NRXN1: variants seen among roughly 807,000 people sequenced by gnomAD.
The protein encoded by NRXN1 is neurexin 1.
NRXN1 carries 39 observed loss-of-function variants against 150.9 expected under a neutral mutation model. The observed-to-expected ratio is 0.26, with a 90% CI of 0.20 to 0.34. The LOEUF (loss-of-function observed/expected upper bound fraction) is 0.34, where lower values mean the gene tolerates loss of function less well. NRXN1 is among the 10% of genes least tolerant of loss of function. The pLI is 1.00. For synonymous variants in NRXN1, 924 were observed against 757.0 expected, an observed-to-expected ratio of 1.22 and a Z score of -3.62; for missense variants, 1,815 against 1,949.9, an observed-to-expected ratio of 0.93 and a Z score of 1.30.
chr2:50,699,583 A>C (rs1359346747), intron 5 of NRXN1, among the ~76,000 whole-genome samples: 1 of 152,034 alleles, frequency 6.6e-6, no homozygotes, highest in Non-Finnish European at 1.5e-5. Context: ...GCAGCCTCCA[A>C]CCAAAATCCA....
intron 17 of NRXN1, among the ~76,000 whole-genome samples, chr2:50,429,684 G>T (rs535435873): frequency 6.6e-6 from 1 of 151,954 alleles, no homozygotes; most frequent in Non-Finnish European, 1.5e-5. Context: ...TCCTACTGAA[G>T]AACAAATTAT....
intron 18 of NRXN1, among the ~76,000 whole-genome samples, chr2:50,109,432 T>C (rs1027995720): frequency 1.3e-5 from 2 of 152,106 alleles, no homozygotes; most frequent in Admixed American, 6.6e-5. Context: ...CAGCCACAAA[T>C]TGAAAATTTA....
At chr2:50,247,480 T>C (rs559055338) in intron 17 of NRXN1, among the ~76,000 whole-genome samples, 1 of 152,152 alleles carries the variant, frequency 6.6e-6, no homozygotes, top group African/African-American at 2.4e-5. Context: ...CAAATTCAGG[T>C]TCTCCAAATA....
chr2:50,294,277 A>G (rs570050419), intron 17 of NRXN1, among the ~76,000 whole-genome samples: 1 of 152,314 alleles, frequency 6.6e-6, no homozygotes, highest in East Asian at 1.9e-4. Context: ...AGCAGTGTAC[A>G]TTGTGTCTAA....
intron 8 of NRXN1, among the ~76,000 whole-genome samples, chr2:50,560,969 C>G (rs1668984664): frequency 6.6e-6 from 1 of 151,334 alleles, no homozygotes; most frequent in African/African-American, 2.4e-5. Flanking sequence ...TTATTTAAAA[C>G]AAAAAAATAG....
intron 8 of NRXN1, among the ~76,000 whole-genome samples, chr2:50,612,245 C>T (rs1678277706): frequency 9.3e-6 from 1 of 107,834 alleles, no homozygotes; most frequent in South Asian, 4.2e-4. Flanking sequence ...TCTTTTCATG[C>T]TTAGAGTATT....
chr2:50,597,544 G>A (rs898981433), intron 8 of NRXN1, among the ~76,000 whole-genome samples: 2 of 151,966 alleles, frequency 1.3e-5, no homozygotes, highest in African/African-American at 4.8e-5. Context: ...GATGGTTCTG[G>A]TTTTCTCCCA....
At chr2:50,282,010 GC>G (rs2071525230) in intron 17 of NRXN1, among the ~76,000 whole-genome samples, 1 of 152,086 alleles carries the variant, frequency 6.6e-6, no homozygotes, top group Non-Finnish European at 1.5e-5. Flanking sequence ...TTTCCCAAAA[GC>G]AAAGCCCTAC....
chr2:50,913,158 T>C (rs527689812), intron 5 of NRXN1, among the ~76,000 whole-genome samples: 2 of 151,916 alleles, frequency 1.3e-5, no homozygotes, highest in East Asian at 3.9e-4. Context: ...AGCCATCACA[T>C]CATTCTTTTA....
intron 17 of NRXN1, among the ~76,000 whole-genome samples, chr2:50,412,360 A>G (rs1301784960): frequency 6.6e-6 from 1 of 151,604 alleles, no homozygotes; most frequent in Non-Finnish European, 1.5e-5. Flanking sequence ...TAATAAAAAT[A>G]ATCTTAAAGA....
At chr2:50,260,262 T>C (rs2068115358) in intron 17 of NRXN1, among the ~76,000 whole-genome samples, 1 of 151,840 alleles carries the variant, frequency 6.6e-6, no homozygotes, top group Non-Finnish European at 1.5e-5. Context: ...ACCCTCTACT[T>C]CTGCCTATTG....
intron 21 of NRXN1, among the ~76,000 whole-genome samples, chr2:49,993,790 A>T (rs1682441979): frequency 6.6e-6 from 1 of 152,242 alleles, no homozygotes; most frequent in Non-Finnish European, 1.5e-5. Context: ...TCATCATAGC[A>T]GATAAAAAAT....
At chr2:49,934,234 T>C (rs1670625564) in intron 22 of NRXN1, among the ~76,000 whole-genome samples, 1 of 152,184 alleles carries the variant, frequency 6.6e-6, no homozygotes, top group African/African-American at 2.4e-5. Flanking sequence ...TTAGGTTTCA[T>C]TGTTTCTTTC....
At chr2:50,567,996 G>C (rs555831329) in intron 8 of NRXN1, among the ~76,000 whole-genome samples, 1 of 151,888 alleles carries the variant, frequency 6.6e-6, no homozygotes, top group Non-Finnish European at 1.5e-5. Flanking sequence ...ATAAAATTAG[G>C]GTCCCCATTT....
At chr2:50,022,463 A>T (rs1229786304) in intron 21 of NRXN1, among the ~76,000 whole-genome samples, 9 of 152,226 alleles carry the variant, frequency 5.9e-5, no homozygotes, top group Non-Finnish European at 1.2e-4. Context: ...TAACTCTGTA[A>T]ATCAAGAATC....
intron 5 of NRXN1, among the ~76,000 whole-genome samples, chr2:50,662,512 G>A (rs1687441164): frequency 6.6e-6 from 1 of 152,014 alleles, no homozygotes; most frequent in African/African-American, 2.4e-5. Context: ...TAGGCCGCAG[G>A]AGGCCCAGGA....
intron 18 of NRXN1, among the ~76,000 whole-genome samples, chr2:50,124,727 G>T (rs1704329784): frequency 6.6e-6 from 1 of 151,902 alleles, no homozygotes; most frequent in South Asian, 2.1e-4. Flanking sequence ...AATCATTTAA[G>T]AATTTAACTT....
At chr2:50,616,940 T>C (rs1440721336) in intron 8 of NRXN1, among the ~76,000 whole-genome samples, 1 of 152,246 alleles carries the variant, frequency 6.6e-6, no homozygotes, top group Non-Finnish European at 1.5e-5. Flanking sequence ...TAGATTTTAC[T>C]GTTAAGAGAG....
chr2:50,043,063 C>T (rs1056802184), intron 21 of NRXN1, among the ~76,000 whole-genome samples: 4 of 152,106 alleles, frequency 2.6e-5, no homozygotes, highest in Non-Finnish European at 5.9e-5. Context: ...TGAGTTTAGG[C>T]AATGTGAACA....
Sources: allele counts gnomAD v4.1 joint callset (sites outside exome capture counted in the v4.1 genomes callset), GRCh38; gene constraint gnomAD v4.1.1; transcripts MANE v1.5; gene names NCBI Gene and HGNC (gene_info 2026-07-23, HGNC 2026-07-21).